Variants in FIG4 observed in about 807,000 individuals in gnomAD.
FIG4 encodes the protein FIG4 phosphoinositide 5-phosphatase.
A neutral mutation model predicts 118.6 loss-of-function variants in FIG4; 112 were observed. The observed-to-expected ratio is 0.94, with a 90% CI of 0.81 to 1.11. FIG4 has a LOEUF of 1.11. FIG4 is among the 50% of genes least tolerant of loss of function. The pLI is 0.00. For synonymous variants in FIG4, 369 were observed against 381.2 expected (o/e 0.97, Z 0.37); for missense variants, 969 against 1,111.7 (o/e 0.87, Z 1.83).
chr6:109,749,342 G>A (rs563953179), intron 10 of FIG4, among the ~76,000 whole-genome samples: 1 of 152,082 alleles, frequency 6.6e-6, no homozygotes, highest in East Asian at 1.9e-4. Context: ...TCAGAATAAT[G>A]TAAGGTGGAT....
chr6:109,772,260 TCTC>T (rs937905303), intron 15 of FIG4, among the ~76,000 whole-genome samples: 1 of 152,160 alleles, frequency 6.6e-6, no homozygotes, highest in African/African-American at 2.4e-5. Context: ...AGAGTCTCAG[TCTC>T]CTATTGACTT....
chr6:109,797,239 C>G (rs1778313805), intron 22 of FIG4, among the ~76,000 whole-genome samples: 2 of 152,200 alleles, frequency 1.3e-5, no homozygotes, highest in African/African-American at 4.8e-5. Flanking sequence ...GTTCTAATAA[C>G]TTGCTGTAAG....
chr6:109,693,625 A>C (rs1774619010), intron 1 of FIG4, among the ~76,000 whole-genome samples: 1 of 152,150 alleles, frequency 6.6e-6, no homozygotes, highest in Admixed American at 6.5e-5. Flanking sequence ...AGGTTTGAGA[A>C]CCCTCTCAGA....
chr6:109,725,071 G>T (rs563838105), intron 3 of FIG4, among the ~76,000 whole-genome samples: 1 of 152,190 alleles, frequency 6.6e-6, no homozygotes, highest in African/African-American at 2.4e-5. Flanking sequence ...AGGAATGAAT[G>T]AATTAAATTG....
chr6:109,806,457 A>ATGTGCACACATG (rs1419332557), intron 22 of FIG4, among the ~76,000 whole-genome samples: 13 of 151,862 alleles, frequency 8.6e-5, no homozygotes, highest in African/African-American at 3.1e-4. Flanking sequence ...ATGCCCCATA[A>ATGTGCACACATG]TGTGCACACA....
At chr6:109,794,811 C>T (rs1289734713) in intron 21 of FIG4, among the ~76,000 whole-genome samples, 3 of 152,200 alleles carry the variant, frequency 2.0e-5, no homozygotes, top group Admixed American at 2.0e-4. Context: ...TAACAGCTCC[C>T]ACCTGGCCTA....
rs539336245 is a variant in FIG4, at chr6:109,766,730, T to C, written c.1585T>C (p.Leu529=). Residue 529 remains leucine (L), a splice_region_variant and synonymous_variant, in exon 15 of 23, where the codon TTA becomes CTA. Transcript: ENST00000230124. Reference sequence around the variant, plus strand: ...TTAATCGGGTTTTTCTTTTTTTAGGTTATTTGAGGAACTCTATGAAGATCA... The same window carrying C: ...TTAATCGGGTTTTTCTTTTTTTAGGCTATTTGAGGAACTCTATGAAGATCA... The part of the protein sequence containing the change: ...NLQFDTDAVR[L]FEELYEDHGD... 4 of 1,613,576 alleles carry C rather than the reference T, an allele frequency of 2.5e-6. No homozygotes were observed. The African/African-American group carries it at 5.3e-5, about 22-fold the overall frequency.
chr6:109,767,423 A>G (rs1434252417), intron 15 of FIG4, among the ~76,000 whole-genome samples: 1 of 152,194 alleles, frequency 6.6e-6, no homozygotes, highest in East Asian at 1.9e-4. Context: ...TGGAATTGCC[A>G]ATACAATAGG....
Position 109,804,847 on chromosome 6 carries a change from A to G in FIG4, c.2546+7996A>G, listed in dbSNP as rs371357271. Among the ~76,000 whole-genome samples, 4 of 152,318 alleles carry G rather than the reference A, an allele frequency of 2.6e-5. No homozygotes were observed. In the East Asian group the frequency reaches 7.7e-4, roughly 29 times the overall value. ...GTGGTATTGTTAATCTAAAACTAAT[A>G]TAAAGAGACTTTGAGTTCTTGAGAG... is the stretch of plus-strand genomic sequence containing the variant. On this transcript the variant is annotated intron_variant, in intron 22 of 22. Coordinates refer to ENST00000230124, the MANE Select transcript of FIG4 (RefSeq NM_014845.6).
chr6:109,764,931 G>T lies in FIG4; in HGVS notation c.1435-82G>T. 1.5e-5 allele frequency: 20 copies of T among 1,302,506 alleles called. No homozygotes were observed. Among genetic ancestry groups the T allele is most frequent in the South Asian group, 5.0e-5 (4 of 80,312 alleles). 80.7% of individuals were successfully genotyped at this position (1,302,506 alleles called of 1,614,324 possible). A position where few individuals can be genotyped will look rare whatever the true frequency, so the allele number is the denominator to read the frequency against. On this transcript the variant is annotated intron_variant, in intron 13 of 22. Coordinates refer to ENST00000230124, the MANE Select transcript of FIG4 (RefSeq NM_014845.6). Reference sequence around the variant, plus strand: ...TGTTTTTGTTTTTGTTTTTGTTTTTGTTTCTTAAAGAAATCTAAAGTAGTA... The same window carrying T: ...TGTTTTTGTTTTTGTTTTTGTTTTTTTTTCTTAAAGAAATCTAAAGTAGTA...
intron 22 of FIG4, among the ~76,000 whole-genome samples, chr6:109,824,606 A>G (rs547892936): frequency 2.0e-5 from 3 of 152,344 alleles, no homozygotes; most frequent in Admixed American, 6.5e-5. Context: ...AACACTTTAT[A>G]CATGTAAATA....
intron 4 of FIG4, among the ~76,000 whole-genome samples, chr6:109,727,625 T>C (rs2128384164): frequency 6.6e-6 from 1 of 152,290 alleles, no homozygotes; most frequent in Admixed American, 6.5e-5. Flanking sequence ...ATGGATCTCT[T>C]TGTTATTTAC....
chr6:109,815,869 G>A (rs1778849029), intron 22 of FIG4, among the ~76,000 whole-genome samples: 1 of 151,472 alleles, frequency 6.6e-6, no homozygotes, highest in Non-Finnish European at 1.5e-5. Flanking sequence ...TTATGGGGGG[G>A]GGCACTCAGT....
At chr6:109,766,979 A>T in intron 15 of FIG4, 84 bp downstream of exon 15, 1 of 1,144,164 alleles carries the variant, frequency 8.7e-7, no homozygotes, top group Non-Finnish European at 1.3e-6. Flanking sequence ...GGCTAAGTGA[A>T]ATTAAAATTT....
chr6:109,813,606 CAG>C (rs755529072), intron 22 of FIG4, among the ~76,000 whole-genome samples: 2 of 152,148 alleles, frequency 1.3e-5, no homozygotes, highest in African/African-American at 2.4e-5. Flanking sequence ...GCTTATGAAT[CAG>C]GGGATAACGG....
At chr6:109,692,328 C>T (rs1774495391) in intron 1 of FIG4, among the ~76,000 whole-genome samples, 1 of 152,152 alleles carries the variant, frequency 6.6e-6, no homozygotes, top group Non-Finnish European at 1.5e-5. Context: ...ATTGCATATG[C>T]CAGATATTTT....
intron 16 of FIG4, among the ~76,000 whole-genome samples, chr6:109,778,385 G>T (rs1048906592): frequency 6.6e-6 from 1 of 151,126 alleles, no homozygotes; most frequent in African/African-American, 2.4e-5. Context: ...CAGGAGAACC[G>T]CTTGAGCCCA....
intron 10 of FIG4, among the ~76,000 whole-genome samples, chr6:109,753,193 G>A (rs142547654): frequency 0.024 from 3,632 of 152,136 alleles, 83 homozygotes; most frequent in East Asian, 0.091. Context: ...AACCAGGCCC[G>A]ACCCTGCTTA....
At chr6:109,722,610 T>TTATA (rs886396027) in intron 3 of FIG4, among the ~76,000 whole-genome samples, 18 of 150,330 alleles carry the variant, frequency 1.2e-4, no homozygotes, top group South Asian at 2.1e-4. Flanking sequence ...TATAAGATTC[T>TTATA]TATATATATA....
Sources: gnomAD v4.1 joint callset for allele counts (sites outside exome capture counted in the v4.1 genomes callset) on GRCh38, gnomAD v4.1.1 for gene constraint, MANE v1.5 for transcripts, NCBI Gene and HGNC (gene_info 2026-07-23, HGNC 2026-07-21) for gene names.